NEBL: variants seen among roughly 807,000 people sequenced by gnomAD.
NEBL encodes the protein nebulette.
Under a neutral mutation model 140.2 loss-of-function variants are expected in NEBL, and 122 were observed. That is an observed-to-expected ratio of 0.87 (90% CI 0.75 to 1.01). NEBL has a LOEUF of 1.01. Among genes scored for constraint, NEBL ranks in the 50% least tolerant of loss-of-function variants. The pLI, the probability that NEBL is intolerant of heterozygous loss-of-function variation, is 0.00. For missense variants in NEBL, 1,365 were observed against 1,231.3 expected (o/e 1.11, Z -1.62); for synonymous variants, 436 against 398.9 (o/e 1.09, Z -1.11).
intron 2 of NEBL, among the ~76,000 whole-genome samples, chr10:21,133,973 T>A (rs1443263153): frequency 2.0e-5 from 3 of 152,228 alleles, no homozygotes; most frequent in Non-Finnish European, 4.4e-5. Context: ...ACGCCTGTAA[T>A]CCCAGCACTT....
chr10:20,953,364 G>A (rs1400320838), intron 4 of NEBL, among the ~76,000 whole-genome samples: 2 of 152,170 alleles, frequency 1.3e-5, no homozygotes, highest in Non-Finnish European at 2.9e-5. Flanking sequence ...CTGCAAGCCA[G>A]GAAGAGAGCC....
intron 2 of NEBL, among the ~76,000 whole-genome samples, chr10:20,895,435 C>G (rs932574130): frequency 4.6e-5 from 7 of 152,166 alleles, no homozygotes; most frequent in Admixed American, 1.3e-4. Flanking sequence ...CTCTGCTTAA[C>G]TGTGTGACCC....
At chr10:20,934,096 T>C (rs958446673) in intron 4 of NEBL, among the ~76,000 whole-genome samples, 1 of 152,296 alleles carries the variant, frequency 6.6e-6, no homozygotes, top group East Asian at 1.9e-4. Context: ...TATGAAATGA[T>C]TGCAAGTTCT....
At chr10:20,868,906 C>G in intron 6 of NEBL, 141 bp from the exon 7 acceptor site, 1 of 668,462 alleles carries the variant, frequency 1.5e-6, no homozygotes, top group Non-Finnish European at 2.6e-6. Flanking sequence ...AAAATGTTGA[C>G]TGCTAAAGCA....
chr10:21,254,640 T>C (rs1842631623), intron 1 of NEBL, among the ~76,000 whole-genome samples: 1 of 152,186 alleles, frequency 6.6e-6, no homozygotes, highest in African/African-American at 2.4e-5. Flanking sequence ...TCACAGAACA[T>C]GCACGTGTTG....
chr10:21,053,138 A>G (rs1834851243), intron 2 of NEBL, among the ~76,000 whole-genome samples: 1 of 152,224 alleles, frequency 6.6e-6, no homozygotes, highest in African/African-American at 2.4e-5. Flanking sequence ...TTATATCACG[A>G]TAAATGAAAA....
chr10:21,173,915 C>T lies in NEBL; in HGVS notation c.-82G>A, dbSNP rs1320545485. On this transcript the variant is annotated 5_prime_UTR_variant, in exon 1 of 7. Transcript: ENST00000417816. This position sits in a 1 kb window ranked among gnomAD's most constrained non-coding sequence, Gnocchi z 5.7. ...TGACATCCCCCGGCGAGCCCCGCAC[C>T]GCCTCCTGGCAGGCGGGAGGGCTGC... 1 of 1,536,710 alleles carries T rather than the reference C, an allele frequency of 6.5e-7. No individual in the cohort carries two copies. The highest frequency in any genetic ancestry group is 8.7e-7 in the Non-Finnish European group (1 of 1,149,458).
intron 26 of NEBL, among the ~76,000 whole-genome samples, chr10:20,788,211 T>C (rs1211876733): frequency 1.3e-5 from 2 of 152,176 alleles, no homozygotes; most frequent in Non-Finnish European, 2.9e-5. Context: ...AAACATGAGC[T>C]ATAAATGAGG....
At chr10:20,870,867 C>T (rs1378497308) in intron 5 of NEBL, among the ~76,000 whole-genome samples, 7 of 152,140 alleles carry the variant, frequency 4.6e-5, no homozygotes, top group African/African-American at 7.2e-5. Flanking sequence ...AGATCACATT[C>T]GTCATTTAGA....
In NEBL at chr10:20,845,305, T is replaced by C. The variant is rs746416970; in HGVS notation, c.1180A>G (p.Thr394Ala). The C allele has an allele frequency of 4.4e-6, 7 of 1,606,050 alleles. No homozygotes were observed. In the South Asian group the frequency reaches 6.6e-5, roughly 15 times the overall value. ...TACTTTACATGTAAAAATTCTGGAG[T>C]CTTGTCTAAATCCAGTGATGACCTT... Reference protein sequence around the residue: ...KGRSSLDLDKTPEFLHVKYIT... With the variant: ...KGRSSLDLDKAPEFLHVKYIT... The change falls in exon 12 of 28, where the codon ACT (threonine) becomes GCT (alanine). Residue 394 changes from threonine (T) to alanine (A), a missense_variant. By Grantham distance (58) the Thr-to-Ala change is moderately conservative. Transcript: ENST00000377122.
At chr10:20,793,757 T>C (rs914908114) in intron 26 of NEBL, among the ~76,000 whole-genome samples, 2 of 152,102 alleles carry the variant, frequency 1.3e-5, no homozygotes, top group African/African-American at 4.8e-5. Flanking sequence ...GGTTTTTCCA[T>C]GTTTCCCAGA....
intron 3 of NEBL, among the ~76,000 whole-genome samples, chr10:21,188,554 T>C (rs11012567): frequency 0.15 from 22,091 of 151,602 alleles, 1,662 homozygotes; most frequent in African/African-American, 0.17. Context: ...AATGTGAACA[T>C]GCAAAAATGA....
intron 3 of NEBL, among the ~76,000 whole-genome samples, 175 bp downstream of exon 3, chr10:20,889,670 G>A (rs1235911710): frequency 6.6e-6 from 1 of 152,120 alleles, no homozygotes; most frequent in African/African-American, 2.4e-5. Context: ...AGTAAAATCT[G>A]TCAATCTATA....
intron 1 of NEBL, among the ~76,000 whole-genome samples, chr10:21,282,619 G>A (rs1264693287): frequency 6.6e-6 from 1 of 152,212 alleles, no homozygotes; most frequent in Non-Finnish European, 1.5e-5. Flanking sequence ...TGTGCAGTGA[G>A]GAACTAGAGG....
intron 4 of NEBL, among the ~76,000 whole-genome samples, chr10:20,914,968 G>GGTTTT (rs1589003845): frequency 4.7e-5 from 2 of 42,708 alleles, no homozygotes; most frequent in African/African-American, 8.8e-5. Context: ...AAGTGGCTGG[G>GGTTTT]ATTTTTTTTT....
chr10:20,800,143 C>T (rs902184295), intron 26 of NEBL, among the ~76,000 whole-genome samples: 1 of 149,974 alleles, frequency 6.7e-6, no homozygotes, highest in Admixed American at 6.7e-5. Flanking sequence ...CCCACCCCAT[C>T]GTAACCATTG....
intron 2 of NEBL, among the ~76,000 whole-genome samples, chr10:21,082,535 TAAAAAAAAA>T (rs61234594): frequency 1.4e-4 from 16 of 117,294 alleles, no homozygotes; most frequent in South Asian, 8.5e-4. Context: ...CCACCACCAC[TAAAAAAAAA>T]AAAAAAAAAA....
chr10:21,188,304 T>G (rs543215459), intron 3 of NEBL, among the ~76,000 whole-genome samples: 30 of 152,194 alleles, frequency 2.0e-4, no homozygotes, highest in Non-Finnish European at 2.2e-4. Flanking sequence ...TAACACTTTT[T>G]ATGGCTTATG....
intron 3 of NEBL, among the ~76,000 whole-genome samples, chr10:21,193,513 A>T (rs1246785041): frequency 6.6e-6 from 1 of 152,284 alleles, no homozygotes; most frequent in East Asian, 1.9e-4. Flanking sequence ...AGCTGTACAA[A>T]CACTATTTCA....
Sources: allele counts gnomAD v4.1 joint callset (sites outside exome capture counted in the v4.1 genomes callset), GRCh38; gene constraint gnomAD v4.1.1; non-coding constraint Gnocchi (gnomAD v3.1); transcripts MANE v1.5; gene names NCBI Gene and HGNC (gene_info 2026-07-23, HGNC 2026-07-21).